Variants in NECAP1 observed in about 807,000 individuals in gnomAD.
NECAP1 encodes adaptin ear-binding coat-associated protein 1.
Under a neutral mutation model 33.4 loss-of-function variants are expected in NECAP1, and 13 were observed. The observed-to-expected ratio is 0.39, with a 90% CI of 0.25 to 0.62. The LOEUF (loss-of-function observed/expected upper bound fraction) is 0.62. Among genes scored for constraint, NECAP1 ranks in the 20% least tolerant of loss-of-function variants. NECAP1 has a pLI of 0.52. For missense variants in NECAP1, 272 were observed against 347.4 expected (o/e 0.78, Z 1.73); for synonymous variants, 109 against 125.2 (o/e 0.87, Z 0.86).
At position 8,092,896 on chromosome 12, in the gene NECAP1, G is replaced by A. The variant is rs1203418795; in HGVS notation, c.517G>A (p.Ala173Thr). 13 of 1,570,952 alleles carry A rather than the reference G, an allele frequency of 8.3e-6. No individual in the cohort carries two copies. The highest frequency in any genetic ancestry group is 9.5e-6 in the Non-Finnish European group (11 of 1,159,834). The change falls in exon 6 of 8, where the codon GCT becomes ACT. Residue 173 changes from alanine to threonine, a missense_variant. By Grantham distance (58) the Ala-to-Thr change is moderately conservative. Coordinates refer to ENST00000339754, the MANE Select transcript of NECAP1 (RefSeq NM_015509.4). ...IGNITNKKGG[A>T]SKPRTARGGG... ...GAACATTACAAACAAGAAAGGAGGT[G>A]CTTCTAAGCCCAGGACTGCAAGGGG... is the stretch of plus-strand genomic sequence containing the variant.
intron 7 of NECAP1, 126 bp from the exon 8 acceptor site, chr12:8,095,916 G>T: frequency 1.6e-6 from 2 of 1,281,132 alleles, no homozygotes; most frequent in Non-Finnish European, 2.2e-6. Flanking sequence ...GCCTTTGTAA[G>T]TAGAATTGCC....
At chr12:8,091,940 T>A in intron 4 of NECAP1, 90 bp downstream of exon 4, 1 of 1,099,016 alleles carries the variant, frequency 9.1e-7, no homozygotes, top group African/African-American at 1.6e-5. Context: ...TTCCTCCTGG[T>A]TTCTTTGTTT....
chr12:8,088,486 A>G (rs1431163350), intron 1 of NECAP1, among the ~76,000 whole-genome samples: 1 of 152,094 alleles, frequency 6.6e-6, no homozygotes, highest in Non-Finnish European at 1.5e-5. Context: ...TGCTACTTTT[A>G]CCCTAAATAT....
chr12:8,085,809 T>C (rs889596370), intron 1 of NECAP1, among the ~76,000 whole-genome samples: 1 of 151,382 alleles, frequency 6.6e-6, no homozygotes, highest in African/African-American at 2.4e-5. Context: ...ATTCAACTGA[T>C]TCTCGTGCCT....
In NECAP1 at chr12:8,095,626, T is replaced by G. The variant is rs1275371732; in HGVS notation, c.702T>G (p.Pro234=). The G allele has an allele frequency of 6.2e-7, 1 of 1,613,438 alleles. No individual in the cohort carries two copies. Residue 234 remains proline, a synonymous_variant, in exon 7 of 8, where the codon CCT becomes CCG. Coordinates refer to ENST00000339754, the MANE Select transcript of NECAP1 (RefSeq NM_015509.4). ...DADILLDLDS[P]APVTTPAPTP... ...ATATCCTTTTAGATTTGGATTCTCCTGCTCCTGTCACGACACCAGCACCAA... is the reference window on the plus strand; with the variant it reads ...ATATCCTTTTAGATTTGGATTCTCCGGCTCCTGTCACGACACCAGCACCAA...
intron 1 of NECAP1, among the ~76,000 whole-genome samples, chr12:8,085,143 C>T (rs1947475357): frequency 6.6e-6 from 1 of 152,136 alleles, no homozygotes; most frequent in African/African-American, 2.4e-5. Context: ...CCTCAGCCTC[C>T]CAAGTAGCTG....
intron 1 of NECAP1, among the ~76,000 whole-genome samples, chr12:8,086,773 TA>T (rs113030233): frequency 2.0e-5 from 3 of 151,960 alleles, no homozygotes; most frequent in African/African-American, 7.3e-5. Context: ...CCGTCTTTAC[TA>T]AAAATACAAA....
intron 1 of NECAP1, among the ~76,000 whole-genome samples, chr12:8,083,477 C>T (rs560406358): frequency 2.4e-5 from 3 of 125,570 alleles, no homozygotes; most frequent in South Asian, 2.5e-4. Context: ...TTGCCCAGGC[C>T]GGAGCGCAAT....
intron 6 of NECAP1, chr12:8,093,257 A>G (rs1403653170): frequency 3.8e-6 from 2 of 520,612 alleles, no homozygotes; most frequent in Non-Finnish European, 6.6e-6. Context: ...GGCAGAAAAT[A>G]TTTGCTTATT....
intron 3 of NECAP1, 86 bp downstream of exon 3, chr12:8,090,385 C>A: frequency 8.3e-7 from 1 of 1,211,178 alleles, no homozygotes. Context: ...TTGCATTTAT[C>A]TTTCTTTGGT....
intron 1 of NECAP1, among the ~76,000 whole-genome samples, chr12:8,086,428 C>T (rs1947490365): frequency 1.3e-5 from 2 of 151,974 alleles, no homozygotes; most frequent in Non-Finnish European, 2.9e-5. Context: ...GCCTGGCCAA[C>T]ATGGTGAAAC....
At chr12:8,095,918 A>C in intron 7 of NECAP1, 124 bp from the exon 8 acceptor site, 4 of 1,293,700 alleles carry the variant, frequency 3.1e-6, no homozygotes, top group Non-Finnish European at 4.3e-6. Flanking sequence ...CTTTGTAAGT[A>C]GAATTGCCAT....
intron 1 of NECAP1, among the ~76,000 whole-genome samples, chr12:8,088,146 C>T (rs929921330): frequency 2.6e-5 from 4 of 152,182 alleles, no homozygotes; most frequent in African/African-American, 9.7e-5. Context: ...GATTATAACA[C>T]GTTTTATAAA....
chr12:8,090,367 G>A, intron 3 of NECAP1, 68 bp downstream of exon 3: 5 of 1,306,962 alleles, frequency 3.8e-6, no homozygotes, highest in Non-Finnish European at 5.5e-6. Context: ...CATGAAAAGT[G>A]TTTCCGATTG....
intron 4 of NECAP1, 114 bp downstream of exon 4, chr12:8,091,964 A>G (rs188201562): frequency 2.6e-4 from 230 of 893,706 alleles, no homozygotes; most frequent in Non-Finnish European, 3.7e-4. Flanking sequence ...AAACTATTTC[A>G]TTGTGAATAT....
In NECAP1 at chr12:8,097,181, G is replaced by T. The variant is rs1201558418; in HGVS notation, c.*1091G>T. ...CTTTACTGTGACAGGTTTTGCCCAA[G>T]GCTTTGATACCTGTCACCCAGGGTA... On this transcript the variant is annotated 3_prime_UTR_variant, in exon 8 of 8. Coordinates refer to ENST00000339754, the MANE Select transcript of NECAP1 (RefSeq NM_015509.4). The T allele has an allele frequency of 1.3e-5, 2 of 152,598 alleles. No individual in the cohort carries two copies. Among genetic ancestry groups the T allele is most frequent in the Non-Finnish European group, 2.9e-5 (2 of 68,030 alleles). The allele number at this position is 152,598 out of a possible 1,614,324, so 9.5% of individuals were successfully genotyped here. A position where few individuals can be genotyped will look rare whatever the true frequency, so the allele number is the denominator to read the frequency against.
chr12:8,088,755 C>T (rs1947515188), intron 1 of NECAP1: 1 of 152,216 alleles, frequency 6.6e-6, no homozygotes, highest in African/African-American at 2.4e-5. Flanking sequence ...CGTCTGTTAC[C>T]TCTCCCACCT....
At chr12:8,094,913 G>A (rs1351710348) in intron 6 of NECAP1, among the ~76,000 whole-genome samples, 2 of 152,042 alleles carry the variant, frequency 1.3e-5, no homozygotes, top group Non-Finnish European at 2.9e-5. Flanking sequence ...CATTCCTAAC[G>A]CTTGGCAATC....
chr12:8,095,358 C>G, intron 6 of NECAP1: 1 of 320,358 alleles, frequency 3.1e-6, no homozygotes. Flanking sequence ...ACGCCATTCT[C>G]CTGCCTCAGC....
Sources: allele counts gnomAD v4.1 joint callset (sites outside exome capture counted in the v4.1 genomes callset), GRCh38; gene constraint gnomAD v4.1.1; transcripts MANE v1.5; gene names NCBI Gene and HGNC (gene_info 2026-07-23, HGNC 2026-07-21).